CUL4A: variants seen among roughly 807,000 people sequenced by gnomAD.
CUL4A encodes cullin 4A.
A neutral mutation model predicts 95.5 loss-of-function variants in CUL4A; 16 were observed. The ratio of observed to expected loss-of-function variants is 0.17; its 90% CI spans 0.11 to 0.25. CUL4A has a LOEUF of 0.25. CUL4A is among the 10% of genes least tolerant of loss of function. The pLI is 1.00. For missense variants in CUL4A, 610 were observed against 937.0 expected (o/e 0.65, Z 4.56); for synonymous variants, 380 against 353.1 (o/e 1.08, Z -0.85).
chr13:113,261,136 C>T (rs965270352), intron 19 of CUL4A, among the ~76,000 whole-genome samples: 45 of 152,154 alleles, frequency 3.0e-4, no homozygotes, highest in African/African-American at 8.0e-4. Flanking sequence ...CAGCCTACAC[C>T]GCGTTTTCCA....
intron 9 of CUL4A, 44 bp downstream of exon 9, chr13:113,236,934 C>T: frequency 7.3e-7 from 1 of 1,371,438 alleles, no homozygotes; most frequent in Middle Eastern, 1.8e-4. Context: ...AACAATTATC[C>T]TTAGTTCATT....
chr13:113,228,682 G>A (rs958669750), intron 4 of CUL4A, among the ~76,000 whole-genome samples: 2 of 152,060 alleles, frequency 1.3e-5, no homozygotes, highest in African/African-American at 2.4e-5. Flanking sequence ...GACAGGACCA[G>A]GGATCATCCT....
At chr13:113,252,318 T>C (rs1306147522) in intron 15 of CUL4A, among the ~76,000 whole-genome samples, 1 of 152,074 alleles carries the variant, frequency 6.6e-6, no homozygotes, top group Non-Finnish European at 1.5e-5. Context: ...GGAGGAGCGC[T>C]TGGGCCCAGG....
chr13:113,238,229 CA>C (rs935289892), intron 9 of CUL4A, among the ~76,000 whole-genome samples: 1 of 151,960 alleles, frequency 6.6e-6, no homozygotes, highest in Non-Finnish European at 1.5e-5. Flanking sequence ...CACTTGAGCC[CA>C]AGAATTCACG....
chr13:113,244,495 C>T lies in CUL4A; in HGVS notation c.1314C>T (p.Ile438=), dbSNP rs376855542. The T allele has an allele frequency of 6.2e-6, 10 of 1,612,692 alleles. No individual in the cohort carries two copies. In the South Asian group the frequency reaches 1.1e-4, roughly 18 times the overall value. Residue 438 remains isoleucine (I), a synonymous_variant, in exon 12 of 20, where the codon ATC becomes ATT. Transcript: ENST00000375440. The part of the protein sequence containing the change: ...ELERTLDKIM[I]LFRFIHGKDV... ...AGCGGACGTTGGACAAGATCATGAT[C>T]CTGTTCAGGTTTATCCACGGTGAGA...
intron 10 of CUL4A, 120 bp from the exon 11 acceptor site, chr13:113,242,848 A>C: frequency 1.4e-6 from 1 of 724,236 alleles, no homozygotes; most frequent in East Asian, 2.9e-5. Context: ...TTTTAAAGTT[A>C]TTGAGTATTT....
intron 18 of CUL4A, among the ~76,000 whole-genome samples, chr13:113,258,139 G>A (rs114851165): frequency 1.3e-5 from 2 of 151,886 alleles, no homozygotes; most frequent in Non-Finnish European, 2.9e-5. Flanking sequence ...CCAGGCATAT[G>A]CCACCACGCC....
At chr13:113,260,544 C>T in intron 18 of CUL4A, 63 bp from the exon 19 acceptor site, 1 of 1,460,934 alleles carries the variant, frequency 6.8e-7, no homozygotes, top group Non-Finnish European at 9.2e-7. Flanking sequence ...AGTGAGACTC[C>T]ATCGCAAAAA....
At chr13:113,208,642 C>G (rs1462366028), upstream of CUL4A, 3 of 1,605,836 alleles carry the variant, frequency 1.9e-6, no homozygotes, top group South Asian at 3.3e-5. Context: ...CATGGGAGCG[C>G]CGCCGAACGG....
At chr13:113,210,953 G>A (rs2040410648) in intron 2 of CUL4A, among the ~76,000 whole-genome samples, 1 of 152,220 alleles carries the variant, frequency 6.6e-6, no homozygotes, top group South Asian at 2.1e-4. Flanking sequence ...GTAAGTGGAT[G>A]ATGTTTTCTT....
rs1174157001 is a variant in CUL4A at position 113,243,044 on chromosome 13, A to G, written c.1112A>G (p.Lys371Arg). 1.9e-6 allele frequency: 3 copies of G among 1,614,084 alleles called. No homozygotes were observed. Among genetic ancestry groups the G allele is most frequent in the African/African-American group, 1.3e-5 (1 of 74,942 alleles). ...MVQDLLDFKD[K>R]VDHVIEVCFQ... ...CAAGACCTGTTGGACTTCAAGGACAAGGTGGACCACGTGATCGAGGTCTGC... is the reference window on the plus strand; with the variant it reads ...CAAGACCTGTTGGACTTCAAGGACAGGGTGGACCACGTGATCGAGGTCTGC... Residue 371 changes from lysine (K) to arginine (R), a missense_variant, in exon 11 of 20, where the codon AAG becomes AGG. Physicochemically the swap from Lys to Arg is conservative, Grantham distance 26. Around this residue, in one of 10 missense-constraint regions of CUL4A, gnomAD observed 153 missense variants for 244.5 expected, o/e 0.63. Transcript: ENST00000375440.
At chr13:113,244,362 G>A in intron 11 of CUL4A, 48 bp from the exon 12 acceptor site, 1 of 1,328,518 alleles carries the variant, frequency 7.5e-7, no homozygotes, top group Non-Finnish European at 1.1e-6. Context: ...AATTGAAGAT[G>A]CTCTCTTTTT....
chr13:113,255,141 C>T lies in CUL4A; in HGVS notation c.2031+16C>T. ...GAAGGAAACTGTATGTATAAACTTT[C>T]TCTTTTTACTTATAGGGGGTTTAGC... On this transcript the variant is annotated intron_variant, in intron 18 of 19. Coordinates refer to ENST00000375440, the MANE Select transcript of CUL4A (RefSeq NM_001008895.4). 6.3e-7 allele frequency: 1 copy of T among 1,576,624 alleles called. No homozygotes were observed. The highest frequency in any genetic ancestry group is 8.7e-7 in the Non-Finnish European group (1 of 1,154,144).
At chr13:113,226,285 C>T (rs1263403483) in intron 3 of CUL4A, among the ~76,000 whole-genome samples, 1 of 152,232 alleles carries the variant, frequency 6.6e-6, no homozygotes, top group Admixed American at 6.5e-5. Context: ...TGCTGCACGG[C>T]AGAAACAGAC....
At chr13:113,209,554 C>G (rs1358195080), upstream of CUL4A, 1 of 869,298 alleles carries the variant, frequency 1.2e-6, no homozygotes, top group Admixed American at 6.7e-5. Flanking sequence ...GGAGGCCGCG[C>G]GGACCGGGGC....
intron 3 of CUL4A, among the ~76,000 whole-genome samples, chr13:113,226,098 C>T (rs1439949187): frequency 6.6e-6 from 1 of 152,186 alleles, no homozygotes; most frequent in African/African-American, 2.4e-5. Context: ...CCTCCTCAGG[C>T]TCTGCCTGGC....
intron 18 of CUL4A, 23 bp from the exon 19 acceptor site, chr13:113,260,584 C>CTTTTTT: frequency 1.3e-6 from 2 of 1,568,758 alleles, no homozygotes; most frequent in Admixed American, 2.0e-5. Context: ...TTACACTTAA[C>CTTTTTT]TTTTTTTTTC....
chr13:113,230,935 T>C (rs1595379347), intron 5 of CUL4A, among the ~76,000 whole-genome samples: 1 of 152,034 alleles, frequency 6.6e-6, no homozygotes, highest in South Asian at 2.1e-4. Context: ...CACATTCGAC[T>C]AACTTCTAAA....
intron 2 of CUL4A, among the ~76,000 whole-genome samples, chr13:113,212,110 C>T (rs904012577): frequency 1.3e-5 from 2 of 152,232 alleles, no homozygotes; most frequent in Admixed American, 6.5e-5. Context: ...TCTTCGTTGA[C>T]GAAGTGTCTA....
Sources: allele counts gnomAD v4.1 joint callset (sites outside exome capture counted in the v4.1 genomes callset), GRCh38; gene constraint gnomAD v4.1.1; regional missense constraint gnomAD v4.1.1; transcripts MANE v1.5; gene names NCBI Gene and HGNC (gene_info 2026-07-23, HGNC 2026-07-21).